Variants in BIK observed in about 807,000 individuals in gnomAD.
BIK encodes the protein BCL2 interacting killer, also known as bcl-2-interacting killer.
BIK carries 14 observed loss-of-function variants against 12.1 expected under a neutral mutation model. That is an observed-to-expected ratio of 1.16 (90% confidence interval 0.77 to 1.81). The LOEUF is 1.81. BIK is among the 40% of genes most tolerant of loss of function. BIK has a pLI of 0.00. For missense variants in BIK, 215 were observed against 207.9 expected, an observed-to-expected ratio of 1.03 and a Z score of -0.21; for synonymous variants, 86 against 92.3, an observed-to-expected ratio of 0.93 and a Z score of 0.39.
chr22:43,128,671 G>A (rs1930373363), intron 4 of BIK, 46 bp downstream of exon 4: 1 of 1,566,790 alleles, frequency 6.4e-7, no homozygotes, highest in Non-Finnish European at 8.7e-7. Flanking sequence ...TGCGGCCAGT[G>A]GGGGCTGTCA....
chr22:43,128,318 A>G (rs1930361956), intron 3 of BIK, among the ~76,000 whole-genome samples, 178 bp from the exon 4 acceptor site: 1 of 152,176 alleles, frequency 6.6e-6, no homozygotes, highest in South Asian at 2.1e-4. Context: ...GACCACAAAC[A>G]GTCCATACCA....
At chr22:43,114,278 T>C (rs1048651710) in intron 1 of BIK, among the ~76,000 whole-genome samples, 6 of 151,970 alleles carry the variant, frequency 3.9e-5, no homozygotes, top group African/African-American at 1.5e-4. Flanking sequence ...GTCCCTGTCA[T>C]TTTGGATATT....
chr22:43,112,916 G>A (rs1930038532), intron 1 of BIK, among the ~76,000 whole-genome samples: 1 of 151,394 alleles, frequency 6.6e-6, no homozygotes, highest in South Asian at 2.1e-4. Context: ...AAAAAAAGGA[G>A]CATTAGGCTG....
intron 2 of BIK, among the ~76,000 whole-genome samples, chr22:43,126,679 A>G (rs750698247): frequency 6.6e-5 from 10 of 151,940 alleles, no homozygotes; most frequent in Non-Finnish European, 1.3e-4. Flanking sequence ...CATGTTCCAC[A>G]GGATTCTTTT....
At chr22:43,113,635 T>G (rs1018418162) in intron 1 of BIK, among the ~76,000 whole-genome samples, 2 of 152,162 alleles carry the variant, frequency 1.3e-5, no homozygotes, top group Admixed American at 6.5e-5. Flanking sequence ...TTCCCCCATT[T>G]CTGATCCCGT....
At chr22:43,128,718 C>A in intron 4 of BIK, 93 bp downstream of exon 4, 1 of 1,469,430 alleles carries the variant, frequency 6.8e-7, no homozygotes, top group Non-Finnish European at 9.2e-7. Context: ...CCCACCACTC[C>A]GTATCATCAT....
At chr22:43,126,313 GTAGC>G (rs897393755) in intron 2 of BIK, among the ~76,000 whole-genome samples, 37 of 152,142 alleles carry the variant, frequency 2.4e-4, no homozygotes, top group African/African-American at 7.7e-4. Flanking sequence ...AGCCTCCTGA[GTAGC>G]TGGGACTACA....
chr22:43,118,528 C>T (rs1388549207), intron 1 of BIK, among the ~76,000 whole-genome samples: 1 of 152,136 alleles, frequency 6.6e-6, no homozygotes, highest in East Asian at 1.9e-4. Flanking sequence ...CAGGGCGTTT[C>T]CTGCTGGGTT....
chr22:43,116,395 G>A (rs1203467799), intron 1 of BIK, among the ~76,000 whole-genome samples: 2 of 151,958 alleles, frequency 1.3e-5, no homozygotes, highest in Non-Finnish European at 2.9e-5. Context: ...TTCGCCTTGT[G>A]CTCTTAAAGT....
At chr22:43,125,593 G>A (rs965346892) in intron 2 of BIK, among the ~76,000 whole-genome samples, 7 of 151,230 alleles carry the variant, frequency 4.6e-5, no homozygotes, top group South Asian at 2.1e-4. Flanking sequence ...GGGGATGGGC[G>A]CTGGTAGTCC....
intron 2 of BIK, among the ~76,000 whole-genome samples, chr22:43,126,984 G>A (rs754710052): frequency 6.6e-6 from 1 of 152,154 alleles, no homozygotes; most frequent in African/African-American, 2.4e-5. Context: ...GGGCCCCTAG[G>A]AGTCCCACTT....
chr22:43,111,907 G>A (rs940578198), intron 1 of BIK, among the ~76,000 whole-genome samples: 1 of 152,140 alleles, frequency 6.6e-6, no homozygotes, highest in Admixed American at 6.6e-5. Context: ...GTCCCAGGAG[G>A]CACAGAAATG....
chr22:43,121,655 G>A (rs1162394184), intron 1 of BIK, among the ~76,000 whole-genome samples: 1 of 152,092 alleles, frequency 6.6e-6, no homozygotes. Flanking sequence ...AGGGAAAGGG[G>A]GGAAAAGCAA....
At chr22:43,128,678 G>A (rs1377837680) in intron 4 of BIK, 53 bp downstream of exon 4, 50 of 1,558,400 alleles carry the variant, frequency 3.2e-5, no homozygotes, top group Non-Finnish European at 4.1e-5. Flanking sequence ...AGTGGGGGCT[G>A]TCAGAGCCGC....
In BIK at chr22:43,118,107, G is replaced by A. The variant is rs113456902; in HGVS notation, c.-7-5909G>A. Among the ~76,000 whole-genome samples, 772 of 152,218 alleles carry A rather than the reference G, an allele frequency of 5.1e-3. 6 individuals carry two copies. Among genetic ancestry groups the A allele is most frequent in the African/African-American group, 0.018 (736 of 41,566 alleles). Reference sequence around the variant, plus strand: ...GGCCTCCCGAAGGGCTGTGATGACAGCACAGCGGTGCCTGTGATCTATGGC... The same window carrying A: ...GGCCTCCCGAAGGGCTGTGATGACAACACAGCGGTGCCTGTGATCTATGGC... On this transcript the variant is annotated intron_variant, in intron 1 of 4. Transcript: ENST00000216115.
At chr22:43,127,473 C>G (rs1266730596) in intron 2 of BIK, among the ~76,000 whole-genome samples, 2 of 152,218 alleles carry the variant, frequency 1.3e-5, no homozygotes, top group African/African-American at 4.8e-5. Context: ...ATAGCTTGCA[C>G]CTCTGGGGCC....
chr22:43,119,456 G>T (rs890183813), intron 1 of BIK, among the ~76,000 whole-genome samples: 3 of 152,120 alleles, frequency 2.0e-5, no homozygotes, highest in Admixed American at 6.6e-5. Flanking sequence ...ACTGATAAGA[G>T]CAGCAGCCCC....
chr22:43,121,074 C>G (rs1930209883), intron 1 of BIK, among the ~76,000 whole-genome samples: 1 of 152,132 alleles, frequency 6.6e-6, no homozygotes. Flanking sequence ...ACCTGGGAGT[C>G]TGAGGCAGGA....
intron 1 of BIK, among the ~76,000 whole-genome samples, chr22:43,111,752 T>C (rs1930015707): frequency 6.6e-6 from 1 of 152,188 alleles, no homozygotes; most frequent in Non-Finnish European, 1.5e-5. Context: ...GAGCCCGAGC[T>C]TCCCAGGGAG....
Sources: gnomAD v4.1 joint callset for allele counts (sites outside exome capture counted in the v4.1 genomes callset) on GRCh38, gnomAD v4.1.1 for gene constraint, MANE v1.5 for transcripts, NCBI Gene and HGNC (gene_info 2026-07-23, HGNC 2026-07-21) for gene names.